The following DORIP1 variants were observed in gnomAD, a reference collection of about 807,000 sequenced individuals.
DORIP1 encodes dopamine receptor-interacting protein 1.
At chr14:44,897,832 C>G in the DORIP1 span, among the ~76,000 whole-genome samples, 2 of 152,210 alleles carry the variant, frequency 1.3e-5, no homozygotes, top group African/African-American at 4.8e-5. Context: ...CGCCTAGCGT[C>G]CGCCTTGTCC....
the DORIP1 span, among the ~76,000 whole-genome samples, chr14:44,900,051 G>T: frequency 1.3e-4 from 20 of 151,924 alleles, no homozygotes; most frequent in Non-Finnish European, 2.4e-4. Context: ...GGCTGGTCTC[G>T]AACGCCCGAC....
the DORIP1 span, chr14:44,906,302 C>T: frequency 6.6e-6 from 1 of 151,816 alleles, no homozygotes; most frequent in African/African-American, 2.4e-5. Context: ...TTGAAATGCT[C>T]TAATGTATTT....
chr14:44,903,509 C>G, the DORIP1 span: 7 of 1,150,750 alleles, frequency 6.1e-6, no homozygotes, highest in Non-Finnish European at 6.4e-6. Flanking sequence ...TTTTCCCCCC[C>G]CACTGCTGAG....
chr14:44,900,463 G>C, the DORIP1 span: 3 of 1,544,394 alleles, frequency 1.9e-6, no homozygotes, highest in African/African-American at 1.4e-5. Flanking sequence ...AGAGATCAAA[G>C]CATCAATTAA....
At chr14:44,900,775 G>C in the DORIP1 span, 28 of 1,614,030 alleles carry the variant, frequency 1.7e-5, no homozygotes, top group Non-Finnish European at 2.3e-5. Context: ...GGACAAGATG[G>C]AAAAACAGCA....
At chr14:44,900,016 A>G in the DORIP1 span, among the ~76,000 whole-genome samples, 3 of 151,912 alleles carry the variant, frequency 2.0e-5, no homozygotes, top group Admixed American at 1.3e-4. Context: ...TTTTTAATAG[A>G]GAGAGGGTTT....
At chr14:44,905,232 A>G in the DORIP1 span, 1 of 528,574 alleles carries the variant, frequency 1.9e-6, no homozygotes. Context: ...TACATGATCT[A>G]TAGAGATGGA....
chr14:44,902,231 C>T, the DORIP1 span, among the ~76,000 whole-genome samples: 382 of 152,222 alleles, frequency 2.5e-3, no homozygotes, highest in African/African-American at 8.7e-3. Context: ...CTTGAACTCC[C>T]GGGCTCAAGT....
At chr14:44,904,025 T>C in the DORIP1 span, 3 of 983,622 alleles carry the variant, frequency 3.0e-6, no homozygotes, top group South Asian at 1.4e-4. Flanking sequence ...TCGAGTCTAA[T>C]GGCAAAAGGA....
the DORIP1 span, chr14:44,904,717 G>T: frequency 1.7e-6 from 1 of 577,868 alleles, no homozygotes; most frequent in South Asian, 3.6e-5. Context: ...ATAGTGGGTA[G>T]GTGTGTGGAC....
the DORIP1 span, chr14:44,903,874 TTAA>T: frequency 1.0e-6 from 1 of 984,860 alleles, no homozygotes; most frequent in Non-Finnish European, 1.2e-6. Context: ...TTTGGTTTAG[TTAA>T]TAATGTTTGT....
At chr14:44,904,545 GTTGT>G in the DORIP1 span, 4 of 1,552,592 alleles carry the variant, frequency 2.6e-6, no homozygotes, top group Non-Finnish European at 3.5e-6. Flanking sequence ...TGTTTTTGTT[GTTGT>G]TTCTTTATAA....
At chr14:44,899,824 A>ATT in the DORIP1 span, among the ~76,000 whole-genome samples, 181 of 115,286 alleles carry the variant, frequency 1.6e-3, 3 homozygotes, top group Admixed American at 2.2e-3. Context: ...TCATTTAGGA[A>ATT]TTTTTTTTTT....
At chr14:44,900,674 T>A in the DORIP1 span, 1 of 1,612,134 alleles carries the variant, frequency 6.2e-7, no homozygotes. Context: ...CCTAGGGAAC[T>A]CTCTCTTCAT....
the DORIP1 span, chr14:44,904,390 T>C: frequency 6.2e-7 from 1 of 1,609,638 alleles, no homozygotes; most frequent in African/African-American, 1.3e-5. Context: ...TGTTTTCTAT[T>C]TTAGGTGTGG....
the DORIP1 span, chr14:44,903,128 T>G: frequency 9.9e-7 from 1 of 1,011,630 alleles, no homozygotes; most frequent in Non-Finnish European, 1.5e-6. Context: ...AATAAAGGAC[T>G]GAGCTGTAAA....
the DORIP1 span, chr14:44,903,182 T>C: frequency 6.6e-7 from 1 of 1,505,538 alleles, no homozygotes; most frequent in Non-Finnish European, 9.2e-7. Context: ...AAGCAGTTCT[T>C]ACATGCATTT....
chr14:44,897,465 TGAGGCA>T, the DORIP1 span: 2 of 210,010 alleles, frequency 9.5e-6, no homozygotes, highest in Non-Finnish European at 1.9e-5. Context: ...TACTCATAGA[TGAGGCA>T]GCGGCGGCGG....
At chr14:44,897,429 C>T in the DORIP1 span, 1 of 191,556 alleles carries the variant, frequency 5.2e-6, no homozygotes, top group Non-Finnish European at 1.1e-5. Context: ...AGAACTCACG[C>T]CGGGGGAGGC....
Sources: allele counts gnomAD v4.1 joint callset (sites outside exome capture counted in the v4.1 genomes callset), GRCh38; gene constraint gnomAD v4.1.1; transcripts MANE v1.5; gene names NCBI Gene and HGNC (gene_info 2026-07-23, HGNC 2026-07-21).